Variants in SCN3B observed in about 807,000 individuals in gnomAD.
SCN3B encodes the protein sodium channel regulatory subunit beta-3.
SCN3B carries 11 observed loss-of-function variants against 25.4 expected under a neutral mutation model. The observed-to-expected ratio is 0.43, with a 90% CI of 0.27 to 0.72. The LOEUF (loss-of-function observed/expected upper bound fraction) is 0.72, where lower values mean the gene tolerates loss of function less well. Ranked by LOEUF, SCN3B falls within the 30% of genes least tolerant of loss-of-function variation. The probability of loss-of-function intolerance (pLI) is 0.18; values close to 1 mark genes in which losing one functional copy is unlikely to be tolerated. For synonymous variants in SCN3B, 109 were observed against 110.7 expected, an observed-to-expected ratio of 0.99 and a Z score of 0.09; for missense variants, 218 against 278.3, an observed-to-expected ratio of 0.78 and a Z score of 1.54.
Position 123,631,586 on chromosome 11 carries a change from G to C in SCN3B, c.*2213C>G, listed in dbSNP as rs986852693. The C allele has an allele frequency of 6.6e-6, 1 of 152,216 alleles. No homozygotes were observed. The highest frequency in any genetic ancestry group is 2.4e-5 in the African/African-American group (1 of 41,432). 9.4% of individuals were successfully genotyped at this position (152,216 alleles called of 1,614,324 possible). ...CTCAGGCCTGTAATCCCAGCACTTT[G>C]AGAGGCTGAGGCTGGCAGATTGCTT... On this transcript the variant is annotated 3_prime_UTR_variant, in exon 7 of 7. Coordinates refer to ENST00000299333, the MANE Select transcript of SCN3B (RefSeq NM_001040151.2).
At chr11:123,647,028 A>G (rs1955861222) in intron 2 of SCN3B, among the ~76,000 whole-genome samples, 1 of 152,222 alleles carries the variant, frequency 6.6e-6, no homozygotes, top group South Asian at 2.1e-4. Flanking sequence ...AGGCTGGCAG[A>G]TGGAAGAGAA....
rs1369143231 is a variant in SCN3B at position 123,634,148 on chromosome 11, C to T, written c.643G>A (p.Glu215Lys). The T allele has an allele frequency of 1.2e-6, 2 of 1,613,720 alleles. No homozygotes were observed. The highest frequency in any genetic ancestry group is 2.2e-5 in the East Asian group (1 of 44,886). Residue 215 changes from glutamate (E) to lysine (K), a missense_variant, in exon 6 of 7, where the codon GAA (glutamate) becomes AAA (lysine). By Grantham distance (56) the Glu-to-Lys change is moderately conservative. Coordinates refer to ENST00000299333, the MANE Select transcript of SCN3B (RefSeq NM_001040151.2). The stretch of plus-strand genomic sequence containing the variant: ...CATGTCACACTGCTCCTGTTCTATT[C>T]CTCCACTGGTACCGCAGAGTTCTCC... The part of the protein sequence containing the change: ...NKENSAVPVE[E>K]
chr11:123,639,333 A>G (rs1955761799), intron 4 of SCN3B: 2 of 151,090 alleles, frequency 1.3e-5, no homozygotes, highest in Non-Finnish European at 2.9e-5. Flanking sequence ...ACCATCCCCA[A>G]CTTCTCATGC....
chr11:123,643,066 CAAGAGAGT>C (rs1955810672), intron 3 of SCN3B, among the ~76,000 whole-genome samples: 1 of 152,150 alleles, frequency 6.6e-6, no homozygotes, highest in African/African-American at 2.4e-5. Context: ...ATAGAGAGAA[CAAGAGAGT>C]AAGATGTGTC....
In SCN3B at chr11:123,643,795, A is replaced by G. The variant is rs117214634; in HGVS notation, c.220-1124T>C. Reference sequence around the variant, plus strand: ...GCCTGAAGGCCCTGGGGGCCTTTGCATCTGGCCAAGACATCCAGCCTCCTG... The same window carrying G: ...GCCTGAAGGCCCTGGGGGCCTTTGCGTCTGGCCAAGACATCCAGCCTCCTG... On this transcript the variant is annotated intron_variant, in intron 3 of 6. Coordinates refer to ENST00000299333, the MANE Select transcript of SCN3B (RefSeq NM_001040151.2). 5.9e-5 allele frequency among the ~76,000 whole-genome samples: 9 copies of G among 152,326 alleles called. No homozygotes were observed. The East Asian group carries it at 1.5e-3, about 26-fold the overall frequency.
Position 123,647,475 on chromosome 11 carries a change from C to A in SCN3B, c.56-1725G>T, listed in dbSNP as rs550485859. ...ACTGGTTGACAGAGTAAGACCCTAT[C>A]TCTTGAAAAAATAAAAACAACATGA... On this transcript the variant is annotated intron_variant, in intron 2 of 6. Coordinates refer to ENST00000299333, the MANE Select transcript of SCN3B (RefSeq NM_001040151.2). Among the ~76,000 whole-genome samples, 437 of 152,120 alleles carry A rather than the reference C, an allele frequency of 2.9e-3. 1 individual carries two copies. The highest frequency in any genetic ancestry group is 4.3e-3 in the Non-Finnish European group (293 of 68,002).
chr11:123,644,800 A>AGAGAGAGAGAGAGAGAGAATATAT (rs1272015067), intron 3 of SCN3B, among the ~76,000 whole-genome samples: 9 of 45,584 alleles, frequency 2.0e-4, no homozygotes, highest in African/African-American at 7.0e-4. Context: ...AGAGAGAGAG[A>AGAGAGAGAGAGAGAGAGAATATAT]ATATATATAT....
rs1955750522 is a variant in SCN3B, at chr11:123,638,183, T to G, written c.584+3A>C. 6.2e-7 allele frequency: 1 copy of G among 1,613,974 alleles called. No individual in the cohort carries two copies. Among genetic ancestry groups the G allele is most frequent in the Admixed American group, 1.7e-5 (1 of 59,998 alleles). ...ATTATTACTTTGGCATCTCTGGACT[T>G]ACGCGTTTTCTTGGGCTGCCTCTTC... On this transcript the variant is annotated splice_donor_region_variant and intron_variant, in intron 5 of 6. Transcript: ENST00000299333.
intron 5 of SCN3B, among the ~76,000 whole-genome samples, chr11:123,634,828 T>G (rs1955708456): frequency 6.6e-6 from 1 of 152,254 alleles, no homozygotes; most frequent in Non-Finnish European, 1.5e-5. Flanking sequence ...CTTCTGAAAT[T>G]TGTTCATCTG....
At chr11:123,634,735 A>G (rs952266724) in intron 5 of SCN3B, among the ~76,000 whole-genome samples, 2 of 152,236 alleles carry the variant, frequency 1.3e-5, no homozygotes, top group Non-Finnish European at 2.9e-5. Flanking sequence ...TCTCAAAAAT[A>G]AAATAAAATG....
intron 4 of SCN3B, chr11:123,641,112 A>G (rs1955784775): frequency 6.6e-6 from 1 of 152,376 alleles, no homozygotes; most frequent in Non-Finnish European, 1.5e-5. Flanking sequence ...GGCACCAACC[A>G]AAAGTTCCAG....
intron 3 of SCN3B, among the ~76,000 whole-genome samples, chr11:123,644,800 AATATATATATATATATATATATAT>A (rs56135097): frequency 3.7e-4 from 17 of 45,578 alleles, no homozygotes; most frequent in Non-Finnish European, 5.0e-4. Flanking sequence ...AGAGAGAGAG[AATATATATATATATATATATATAT>A]ATATATATAT....
At chr11:123,638,055 G>T in intron 5 of SCN3B, 131 bp downstream of exon 5, 2 of 1,095,704 alleles carry the variant, frequency 1.8e-6, no homozygotes, top group Non-Finnish European at 2.7e-6. Flanking sequence ...GTATAATAAT[G>T]GTGCCTATCT....
At chr11:123,638,374 A>G in intron 4 of SCN3B, 50 bp from the exon 5 acceptor site, 2 of 1,610,828 alleles carry the variant, frequency 1.2e-6, no homozygotes, top group Non-Finnish European at 1.7e-6. Flanking sequence ...GCAAACCTAG[A>G]GCCGTCATTG....
rs72552161 is a variant in SCN3B, at chr11:123,638,471, C to T, written c.446-147G>A. 3.1e-3 allele frequency: 3,416 copies of T among 1,093,186 alleles called. 83 individuals are homozygous for T. In the African/African-American group the frequency reaches 0.049, roughly 16 times the overall value. The allele number at this position is 1,093,186 out of a possible 1,614,324, so 67.7% of individuals were successfully genotyped here. On this transcript the variant is annotated intron_variant, in intron 4 of 6. Coordinates refer to ENST00000299333, the MANE Select transcript of SCN3B (RefSeq NM_001040151.2). The stretch of plus-strand genomic sequence containing the variant: ...AAGGTATTCCAAATCCTGACTCTCC[C>T]GCCCATTGGCTTTCTCACTGACTGT...
chr11:123,651,514 C>T (rs954254366), intron 2 of SCN3B, among the ~76,000 whole-genome samples: 8 of 152,280 alleles, frequency 5.3e-5, no homozygotes, highest in African/African-American at 1.7e-4. Flanking sequence ...TAGGCACGCA[C>T]CACTATGCCC....
At chr11:123,652,829 C>T (rs1955942709) in intron 2 of SCN3B, among the ~76,000 whole-genome samples, 2 of 152,162 alleles carry the variant, frequency 1.3e-5, no homozygotes, top group South Asian at 4.1e-4. Flanking sequence ...TGCCAACATG[C>T]TCACACACAT....
intron 4 of SCN3B, chr11:123,638,976 C>T (rs61374905): frequency 0.065 from 10,657 of 163,310 alleles, 863 homozygotes; most frequent in African/African-American, 0.2. Context: ...TTTAGTGTAT[C>T]AACCGCATTG....
Position 123,642,336 on chromosome 11 carries a change from T to C in SCN3B, c.445+110A>G. 5 of 1,021,720 alleles carry C rather than the reference T, an allele frequency of 4.9e-6. No homozygotes were observed. Among genetic ancestry groups the C allele is most frequent in the Non-Finnish European group, 6.1e-6 (4 of 654,642 alleles). The allele number at this position is 1,021,720 out of a possible 1,614,324, so 63.3% of individuals were successfully genotyped here. On this transcript the variant is annotated intron_variant, in intron 4 of 6. Transcript: ENST00000299333. This position sits in a 1 kb window ranked among gnomAD's most constrained non-coding sequence, Gnocchi z 4.3. Reference sequence around the variant, plus strand: ...CATTTTTAGATGTCACCATTCCAAATACATGGGTTTTTGCACTCTTTAAGG... The same window carrying C: ...CATTTTTAGATGTCACCATTCCAAACACATGGGTTTTTGCACTCTTTAAGG...
Sources: allele counts gnomAD v4.1 joint callset (sites outside exome capture counted in the v4.1 genomes callset), GRCh38; gene constraint gnomAD v4.1.1; non-coding constraint Gnocchi (gnomAD v3.1); transcripts MANE v1.5; gene names NCBI Gene and HGNC (gene_info 2026-07-23, HGNC 2026-07-21).